Variants in MARF1 observed in about 807,000 individuals in gnomAD.
MARF1 encodes the protein limkain-b1.
MARF1 carries 24 observed loss-of-function variants against 168.2 expected under a neutral mutation model. The ratio of observed to expected loss-of-function variants is 0.14; its 90% CI spans 0.10 to 0.20. The LOEUF (loss-of-function observed/expected upper bound fraction) is 0.20. Ranked by LOEUF, MARF1 falls within the 10% of genes least tolerant of loss-of-function variation. The pLI is 1.00. For missense variants in MARF1, 1,744 were observed against 2,143.6 expected (o/e 0.81, Z 3.68); for synonymous variants, 868 against 822.4 (o/e 1.06, Z -0.95).
At chr16:15,621,962 C>T (rs374395652) in intron 11 of MARF1, 51 bp from the exon 12 acceptor site, 14 of 1,542,214 alleles carry the variant, frequency 9.1e-6, no homozygotes, top group East Asian at 2.3e-5. Flanking sequence ...AGAACCCTGT[C>T]GTCTTAAAAC....
In MARF1 at chr16:15,635,027, T is replaced by C. The variant is rs2035492161; in HGVS notation, c.832-96A>G. On this transcript the variant is annotated intron_variant, in intron 3 of 26. Transcript: ENST00000396368. ...CAACTGAAAATACACTCTAAGTGTT[T>C]TACCTTTCCACTTGCTAGCCTCTAA... 3.9e-6 allele frequency: 4 copies of C among 1,038,928 alleles called. No individual in the cohort carries two copies. In the East Asian group the frequency reaches 1.0e-4, roughly 26 times the overall value. The allele number at this position is 1,038,928 out of a possible 1,614,324, so 64.4% of individuals were successfully genotyped here. A position where few individuals can be genotyped will look rare whatever the true frequency, so the allele number is the denominator to read the frequency against.
At chr16:15,599,077 G>C (rs1278615322) in intron 25 of MARF1, 53 bp from the exon 26 acceptor site, 1 of 1,530,854 alleles carries the variant, frequency 6.5e-7, no homozygotes, top group Non-Finnish European at 8.9e-7. Flanking sequence ...CCCACCCCCA[G>C]CACACACCCT....
intron 10 of MARF1, among the ~76,000 whole-genome samples, chr16:15,624,166 G>A (rs978149644): frequency 3.3e-5 from 5 of 151,928 alleles, no homozygotes; most frequent in Non-Finnish European, 5.9e-5. Flanking sequence ...TGATCCTCCC[G>A]CCTCGGCCTC....
rs780157712 is a variant in MARF1, at chr16:15,625,780, A to G, written c.1545T>C (p.Tyr515=). The G allele has an allele frequency of 9.3e-6, 15 of 1,613,718 alleles. No individual in the cohort carries two copies. The highest frequency in any genetic ancestry group is 4.4e-5 in the South Asian group (4 of 91,088). The change falls in exon 8 of 27, where the codon TAT becomes TAC. Residue 515 remains tyrosine, a synonymous_variant. Transcript: ENST00000396368. ...LKMPQCHTLL[Y]VYNLPANKDG... Reference sequence around the variant, plus strand: ...CCTTATTTGCTGGTAGGTTATAAACATAGAGCAGAGTGTGGCACTGCTAAT... The same window carrying G: ...CCTTATTTGCTGGTAGGTTATAAACGTAGAGCAGAGTGTGGCACTGCTAAT...
rs2031543930 is a variant in MARF1 at position 15,594,998 on chromosome 16, G to C, written c.*1695C>G. On this transcript the variant is annotated 3_prime_UTR_variant, in exon 27 of 27. Transcript: ENST00000396368. ...ACTGAAGTCCAAGCGTGCAAACTCA[G>C]CCTTATGAAATCTTAGAATAAGGCA... 2 of 152,558 alleles carry C rather than the reference G, an allele frequency of 1.3e-5. No homozygotes were observed. The highest frequency in any genetic ancestry group is 4.8e-5 in the African/African-American group (2 of 41,422). 9.5% of individuals were successfully genotyped at this position (152,558 alleles called of 1,614,324 possible).
chr16:15,597,562 G>C (rs971021620), intron 26 of MARF1, among the ~76,000 whole-genome samples: 5 of 152,198 alleles, frequency 3.3e-5, no homozygotes, highest in African/African-American at 9.7e-5. Context: ...CACGCTGCTT[G>C]AAAGAGATGC....
intron 26 of MARF1, 146 bp from the exon 27 acceptor site, chr16:15,597,083 G>GT: frequency 6.9e-6 from 6 of 865,308 alleles, no homozygotes; most frequent in Middle Eastern, 3.7e-4. Flanking sequence ...TTACATATGA[G>GT]TTGTGTGGCC....
intron 1 of MARF1, among the ~76,000 whole-genome samples, chr16:15,641,469 C>T (rs1266363387): frequency 6.6e-6 from 1 of 152,178 alleles, no homozygotes; most frequent in Non-Finnish European, 1.5e-5. Context: ...TCTTCAAAGC[C>T]AAATCCTGAA....
At chr16:15,612,184 T>C (rs2033626596) in intron 17 of MARF1, among the ~76,000 whole-genome samples, 2 of 152,284 alleles carry the variant, frequency 1.3e-5, no homozygotes, top group South Asian at 4.2e-4. Flanking sequence ...ACTAGTTAAA[T>C]TTAGAAGAAA....
rs150956706 is a variant in MARF1, at chr16:15,605,189, A to G, written c.4183-791T>C. ...ACAAAAACAGGCAGAGCTTTGGCAC[A>G]CACACGGCTCCGGCACTGCTCTCAC... On this transcript the variant is annotated intron_variant, in intron 21 of 26. Transcript: ENST00000396368. Among the ~76,000 whole-genome samples the G allele has an allele frequency of 5.4e-3, 824 of 152,308 alleles. 7 individuals are homozygous for G. Among genetic ancestry groups the G allele is most frequent in the African/African-American group, 0.017 (717 of 41,574 alleles).
At chr16:15,623,274 CTTT>C (rs71375044) in intron 10 of MARF1, 151 bp from the exon 11 acceptor site, 777 of 118,848 alleles carry the variant, frequency 6.5e-3, no homozygotes, top group East Asian at 0.012. Context: ...TGTTTTTAAT[CTTT>C]TTTTTTTTTT....
chr16:15,637,342 C>T (rs929662274), intron 2 of MARF1, among the ~76,000 whole-genome samples: 37 of 152,172 alleles, frequency 2.4e-4, no homozygotes, highest in South Asian at 2.1e-4. Context: ...ACGTGCTCAC[C>T]GTTCACAGCA....
intron 21 of MARF1, 99 bp from the exon 22 acceptor site, chr16:15,604,497 A>G: frequency 9.4e-6 from 7 of 747,092 alleles, no homozygotes; most frequent in Non-Finnish European, 1.6e-5. Flanking sequence ...AGACCAACAG[A>G]TGAAAAATCT....
Position 15,613,661 on chromosome 16 carries a change from C to CAATAAATAATAAATAAATAAATAAATA in MARF1, c.3254-885_3254-884insTATTTATTTATTTATTTATTATTTATT, listed in dbSNP as rs74800793. Among the ~76,000 whole-genome samples the CAATAAATAATAAATAAATAAATAAATA allele has an allele frequency of 2.0e-3, 251 of 126,652 alleles. 1 individual carries two copies. The highest frequency in any genetic ancestry group is 3.3e-3 in the Non-Finnish European group (202 of 61,914). 83.1% of individuals were successfully genotyped at this position (126,652 alleles called of 152,430 possible). A position where few individuals can be genotyped will look rare whatever the true frequency, so the allele number is the denominator to read the frequency against. On this transcript the variant is annotated intron_variant, in intron 16 of 26. Transcript: ENST00000396368. The stretch of plus-strand genomic sequence containing the variant: ...TGGGACACAGAGCGAGATTCCGTCT[C>CAATAAATAATAAATAAATAAATAAATA]AATAAATAAATAAATAAATAAATAA...
chr16:15,601,793 G>T, intron 23 of MARF1, 198 bp downstream of exon 23: 1 of 612,192 alleles, frequency 1.6e-6, no homozygotes, highest in Non-Finnish European at 2.9e-6. Context: ...TGGCATATAG[G>T]GATTTAATAA....
chr16:15,635,984 T>C lies in MARF1; in HGVS notation c.503A>G (p.Asn168Ser), dbSNP rs1326373988. Reference sequence around the variant, plus strand: ...AAAGTCACTTGCAATGCCTGCCAAATTGTTCCTAGCTGAGGCATTCTGGAG... The same window carrying C: ...AAAGTCACTTGCAATGCCTGCCAAACTGTTCCTAGCTGAGGCATTCTGGAG... ...SSLQNASARN[N>S]LAGIASDFPS... The change falls in exon 3 of 27, where the codon AAT (asparagine) becomes AGT (serine). Residue 168 changes from asparagine (N) to serine (S), a missense_variant. Coordinates refer to ENST00000396368, the MANE Select transcript of MARF1 (RefSeq NM_014647.4). 3.7e-6 allele frequency: 6 copies of C among 1,614,214 alleles called. No individual in the cohort carries two copies. The highest frequency in any genetic ancestry group is 1.7e-6 in the Non-Finnish European group (2 of 1,180,046).
At chr16:15,599,054 C>G in intron 25 of MARF1, 30 bp from the exon 26 acceptor site, 1 of 1,601,766 alleles carries the variant, frequency 6.2e-7, no homozygotes, top group Non-Finnish European at 8.5e-7. Context: ...CGTGACACCA[C>G]AGGACCTCCA....
intron 26 of MARF1, among the ~76,000 whole-genome samples, chr16:15,598,363 G>A (rs1265676003): frequency 6.6e-6 from 1 of 152,196 alleles, no homozygotes; most frequent in Non-Finnish European, 1.5e-5. Flanking sequence ...GCCAATGCCT[G>A]CACTAGGCTG....
intron 21 of MARF1, 71 bp downstream of exon 21, chr16:15,608,220 C>T: frequency 1.0e-6 from 1 of 987,316 alleles, no homozygotes; most frequent in Non-Finnish European, 1.5e-6. Flanking sequence ...CGCAAACGTC[C>T]TAATGAGAAT....
Sources: allele counts gnomAD v4.1 joint callset (sites outside exome capture counted in the v4.1 genomes callset), GRCh38; gene constraint gnomAD v4.1.1; transcripts MANE v1.5; gene names NCBI Gene and HGNC (gene_info 2026-07-23, HGNC 2026-07-21).